PRKACB: variants seen among roughly 807,000 people sequenced by gnomAD.
PRKACB encodes protein kinase cAMP-activated catalytic subunit beta.
A neutral mutation model predicts 51.4 loss-of-function variants in PRKACB; 16 were observed. The observed-to-expected ratio is 0.31, with a 90% CI of 0.21 to 0.47. The LOEUF is 0.47. PRKACB is among the 20% of genes least tolerant of loss of function. The pLI is 1.00. For missense variants in PRKACB, 309 were observed against 464.5 expected (o/e 0.67, Z 3.08); for synonymous variants, 147 against 154.4 (o/e 0.95, Z 0.35).
chr1:84,181,628 A>T, intron 2 of PRKACB: 5 of 1,337,430 alleles, frequency 3.7e-6, no homozygotes, highest in Non-Finnish European at 4.9e-6. Flanking sequence ...GTGTTTTTAT[A>T]ATATAAAGAG....
chr1:84,144,773 T>C (rs1394685518), intron 1 of PRKACB, among the ~76,000 whole-genome samples: 1 of 152,168 alleles, frequency 6.6e-6, no homozygotes, highest in Non-Finnish European at 1.5e-5. Context: ...AAGTTCAATA[T>C]CAGTGACAAG....
intron 5 of PRKACB, among the ~76,000 whole-genome samples, chr1:84,188,400 CTTG>C (rs919919939): frequency 1.3e-5 from 2 of 151,502 alleles, no homozygotes; most frequent in African/African-American, 4.8e-5. Flanking sequence ...TTTAAGGGTA[CTTG>C]TTGGGGTCTT....
chr1:84,154,818 C>T (rs1322663602), intron 1 of PRKACB, among the ~76,000 whole-genome samples: 2 of 152,046 alleles, frequency 1.3e-5, no homozygotes. Flanking sequence ...GCAGAGAAAG[C>T]ATTTGAGAAA....
intron 5 of PRKACB, among the ~76,000 whole-genome samples, chr1:84,191,888 A>G (rs1394383331): frequency 1.3e-5 from 2 of 152,146 alleles, no homozygotes; most frequent in Non-Finnish European, 2.9e-5. Flanking sequence ...AGATGTACTT[A>G]AGTCATGTGA....
At chr1:84,229,082 TC>T (rs1374747819) in intron 9 of PRKACB, among the ~76,000 whole-genome samples, 1 of 96,420 alleles carries the variant, frequency 1.0e-5, no homozygotes, top group African/African-American at 4.2e-5. Context: ...CCCTCCCCCC[TC>T]CCCCCACCCC....
chr1:84,192,036 A>G lies in PRKACB; in HGVS notation c.561-4580A>G, dbSNP rs1666959518. Among the ~76,000 whole-genome samples, 6 of 152,108 alleles carry G rather than the reference A, an allele frequency of 3.9e-5. No homozygotes were observed. In the South Asian group the frequency reaches 1.2e-3, roughly 31 times the overall value. ...TGCATAAAAGCATCTAAACACCTAT[A>G]CTAATGTATAAATAAAAATATTACA... On this transcript the variant is annotated intron_variant, in intron 5 of 9. Coordinates refer to ENST00000370685, the MANE Select transcript of PRKACB (RefSeq NM_182948.4).
At position 84,079,186 on chromosome 1, in the gene PRKACB, T is replaced by C. The variant is rs748145330; in HGVS notation, c.46+815T>C. 1.8e-4 allele frequency among the ~76,000 whole-genome samples: 28 copies of C among 152,184 alleles called. 1 individual carries two copies. Among genetic ancestry groups the C allele is most frequent in the Non-Finnish European group, 1.5e-5 (1 of 68,036 alleles). On this transcript the variant is annotated intron_variant, in intron 1 of 8. Coordinates refer to the PRKACB transcript ENST00000370688. ...GTGTTTGTGTGTGCATGTATACACA[T>C]GCATATATATGTGTGTATATATGTG...
At chr1:84,083,373 A>T (rs1297160088) in intron 1 of PRKACB, among the ~76,000 whole-genome samples, 28 of 152,172 alleles carry the variant, frequency 1.8e-4, no homozygotes, top group Admixed American at 1.8e-3. Context: ...AAATTATCTC[A>T]TGTTCAGGAA....
chr1:84,217,741 C>T (rs1201573269), intron 9 of PRKACB, among the ~76,000 whole-genome samples: 2 of 152,076 alleles, frequency 1.3e-5, no homozygotes, highest in Non-Finnish European at 2.9e-5. Flanking sequence ...TGCAGTGAGC[C>T]ATGATCATGC....
intron 1 of PRKACB, among the ~76,000 whole-genome samples, chr1:84,081,168 A>G (rs772136578): frequency 1.3e-5 from 2 of 152,214 alleles, no homozygotes; most frequent in Non-Finnish European, 2.9e-5. Context: ...GTGATTCCAG[A>G]GCTTATTTCT....
At chr1:84,199,896 A>C (rs924688759) in intron 7 of PRKACB, among the ~76,000 whole-genome samples, 1 of 152,070 alleles carries the variant, frequency 6.6e-6, no homozygotes, top group East Asian at 1.9e-4. Flanking sequence ...CCCAGGCTGC[A>C]GTGCAGTGGC....
At chr1:84,201,343 AATT>A (rs1670045722) in intron 7 of PRKACB, among the ~76,000 whole-genome samples, 1 of 151,734 alleles carries the variant, frequency 6.6e-6, no homozygotes. Context: ...TGTGTCTGTA[AATT>A]ATTAGTTCAT....
chr1:84,227,027 G>A (rs12070215), intron 9 of PRKACB, among the ~76,000 whole-genome samples: 11,513 of 152,154 alleles, frequency 0.076, 518 homozygotes, highest in Middle Eastern at 0.14. Flanking sequence ...TAATCATGGG[G>A]TATTAACATT....
rs185041371 is a variant in PRKACB, at chr1:84,095,357, A to T, written c.46+16986A>T. Among the ~76,000 whole-genome samples, 627 of 147,392 alleles carry T rather than the reference A, an allele frequency of 4.3e-3. 4 individuals are homozygous for T. The highest frequency in any genetic ancestry group is 0.014 in the African/African-American group (564 of 39,914). ...CTAGTGATGAATTATGTCAGTTTTTATTTATCTGGATTTGTGTATTTTTTA... is the reference window on the plus strand; with the variant it reads ...CTAGTGATGAATTATGTCAGTTTTTTTTTATCTGGATTTGTGTATTTTTTA... On this transcript the variant is annotated intron_variant, in intron 1 of 8. Transcript: ENST00000370688.
At chr1:84,224,363 C>T (rs1278011240) in intron 9 of PRKACB, among the ~76,000 whole-genome samples, 1 of 152,208 alleles carries the variant, frequency 6.6e-6, no homozygotes, top group Non-Finnish European at 1.5e-5. Flanking sequence ...CCTTAGTCTC[C>T]TGTGCAGCAT....
upstream of PRKACB, among the ~76,000 whole-genome samples, chr1:84,142,622 A>G (rs767023345): frequency 2.0e-4 from 30 of 152,214 alleles, no homozygotes; most frequent in Non-Finnish European, 3.8e-4. Flanking sequence ...AACAAAGTAT[A>G]CAGAAATGAG....
At chr1:84,182,859 A>C (rs1354972107) in intron 3 of PRKACB, among the ~76,000 whole-genome samples, 3 of 152,024 alleles carry the variant, frequency 2.0e-5, no homozygotes, top group African/African-American at 7.2e-5. Flanking sequence ...TGTGACAATT[A>C]TGGACTAATT....
At chr1:84,176,065 A>G (rs1217924878) in intron 1 of PRKACB, among the ~76,000 whole-genome samples, 3 of 151,778 alleles carry the variant, frequency 2.0e-5, no homozygotes, top group African/African-American at 7.2e-5. Context: ...ACCTATGGTC[A>G]CACAGCTAGG....
intron 5 of PRKACB, among the ~76,000 whole-genome samples, chr1:84,189,505 G>A (rs911602904): frequency 2.6e-5 from 4 of 151,378 alleles, no homozygotes; most frequent in African/African-American, 9.7e-5. Flanking sequence ...TTGAAGGAGG[G>A]AGTTATCAAC....
Sources: gnomAD v4.1 joint callset for allele counts (sites outside exome capture counted in the v4.1 genomes callset) on GRCh38, gnomAD v4.1.1 for gene constraint, MANE v1.5 for transcripts, NCBI Gene and HGNC (gene_info 2026-07-23, HGNC 2026-07-21) for gene names.